The following CSMD1 variants were observed in gnomAD, a reference collection of about 807,000 sequenced individuals.
CSMD1 encodes the protein CUB and Sushi multiple domains 1.
In CSMD1, 213 loss-of-function variants were observed where a neutral mutation model predicts 417.5. The observed-to-expected ratio is 0.51, with a 90% CI of 0.46 to 0.57. The LOEUF (loss-of-function observed/expected upper bound fraction) is 0.57. Ranked by LOEUF, CSMD1 falls within the 20% of genes least tolerant of loss-of-function variation. CSMD1 has a pLI of 0.00. For synonymous variants in CSMD1, 2,862 were observed against 1,736.8 expected (o/e 1.65, Z -16.11); for missense variants, 6,923 against 4,529.7 (o/e 1.53, Z -15.17).
chr8:4,730,526 G>A (rs566900730), intron 1 of CSMD1, among the ~76,000 whole-genome samples: 1 of 152,044 alleles, frequency 6.6e-6, no homozygotes, highest in South Asian at 2.1e-4. Flanking sequence ...GGATCACGAG[G>A]TCAGGAGATG....
In CSMD1 at chr8:3,018,979, G is replaced by A. The variant is rs139020834; in HGVS notation, c.7856-329C>T. 4.6e-3 allele frequency among the ~76,000 whole-genome samples: 704 copies of A among 152,202 alleles called. 7 individuals are homozygous for A. Among genetic ancestry groups the A allele is most frequent in the African/African-American group, 0.016 (660 of 41,516 alleles). On this transcript the variant is annotated intron_variant, in intron 51 of 69. Transcript: ENST00000635120. Reference sequence around the variant, plus strand: ...GTTGACCAGGTTGGAGTGCAGTGGCGCTATCCTGGCTCACTGCTACCTCTA... The same window carrying A: ...GTTGACCAGGTTGGAGTGCAGTGGCACTATCCTGGCTCACTGCTACCTCTA...
chr8:3,678,854 C>T (rs948715318), intron 7 of CSMD1, among the ~76,000 whole-genome samples: 3 of 152,166 alleles, frequency 2.0e-5, no homozygotes, highest in African/African-American at 7.2e-5. Flanking sequence ...AGAAAGTCTA[C>T]AAGCCAGAAA....
intron 18 of CSMD1, among the ~76,000 whole-genome samples, chr8:3,386,830 C>T (rs1297405116): frequency 2.0e-5 from 3 of 152,116 alleles, no homozygotes; most frequent in Admixed American, 6.5e-5. Flanking sequence ...GGGCAAAATA[C>T]CCCAAGTTTT....
chr8:4,724,092 A>G (rs1809253592), intron 1 of CSMD1, among the ~76,000 whole-genome samples: 1 of 152,166 alleles, frequency 6.6e-6, no homozygotes, highest in African/African-American at 2.4e-5. Flanking sequence ...CACTTAAGTG[A>G]GCCATTGCAA....
At chr8:2,979,425 G>C (rs954277999) in intron 54 of CSMD1, among the ~76,000 whole-genome samples, 2 of 152,230 alleles carry the variant, frequency 1.3e-5, no homozygotes, top group African/African-American at 4.8e-5. Context: ...TCCTCTGAAA[G>C]GCATTAGCCT....
In CSMD1 at chr8:4,429,619, C is replaced by T. The variant is rs896283830; in HGVS notation, c.303-9554G>A. On this transcript the variant is annotated intron_variant, in intron 2 of 69. Transcript: ENST00000635120. ...GAAAGTCAAAGTTTAGAGACTATTCCAGAGAGAGAAACGAATGCACAGAGG... is the reference window on the plus strand; with the variant it reads ...GAAAGTCAAAGTTTAGAGACTATTCTAGAGAGAGAAACGAATGCACAGAGG... 4.5e-4 allele frequency among the ~76,000 whole-genome samples: 69 copies of T among 152,018 alleles called. 3 individuals are homozygous for T. Among genetic ancestry groups the T allele is most frequent in the Non-Finnish European group, 1.5e-5 (1 of 68,012 alleles).
At chr8:3,848,569 G>A (rs971724180) in intron 5 of CSMD1, among the ~76,000 whole-genome samples, 1 of 152,110 alleles carries the variant, frequency 6.6e-6, no homozygotes, top group Non-Finnish European at 1.5e-5. Flanking sequence ...CCTTTGTGCT[G>A]CTCCTTGTAA....
At chr8:4,420,523 CTATTTT>C (rs1476512056) in intron 2 of CSMD1, among the ~76,000 whole-genome samples, 7 of 152,200 alleles carry the variant, frequency 4.6e-5, no homozygotes, top group African/African-American at 1.7e-4. Context: ...TCCTAATTCA[CTATTTT>C]TAATTTTTTT....
chr8:4,545,628 T>C (rs1466474171), intron 2 of CSMD1, among the ~76,000 whole-genome samples: 1 of 152,190 alleles, frequency 6.6e-6, no homozygotes, highest in African/African-American at 2.4e-5. Context: ...GGTTGGCTGG[T>C]TCGTGGCTAG....
intron 4 of CSMD1, among the ~76,000 whole-genome samples, chr8:4,017,017 G>C (rs543968143): frequency 2.7e-4 from 41 of 152,162 alleles, no homozygotes; most frequent in African/African-American, 9.4e-4. Context: ...AAGACTTTCA[G>C]AAGGAAGAGC....
chr8:3,554,004 G>T (rs1799031529), intron 10 of CSMD1, among the ~76,000 whole-genome samples: 1 of 152,084 alleles, frequency 6.6e-6, no homozygotes, highest in Non-Finnish European at 1.5e-5. Flanking sequence ...CTCTAGGACT[G>T]ATTTTATTTT....
chr8:3,152,933 G>C (rs1341934261), intron 39 of CSMD1, among the ~76,000 whole-genome samples: 2 of 152,162 alleles, frequency 1.3e-5, no homozygotes, highest in Non-Finnish European at 2.9e-5. Flanking sequence ...AGTGACAGTA[G>C]ATGTGTATAT....
At chr8:4,935,320 G>A (rs1807538284) in intron 1 of CSMD1, among the ~76,000 whole-genome samples, 1 of 152,154 alleles carries the variant, frequency 6.6e-6, no homozygotes, top group South Asian at 2.1e-4. Context: ...GTCTCATTAG[G>A]AAATGCCCCT....
intron 1 of CSMD1, among the ~76,000 whole-genome samples, chr8:4,725,874 T>C (rs1809400927): frequency 6.6e-6 from 1 of 152,138 alleles, no homozygotes; most frequent in South Asian, 2.1e-4. Flanking sequence ...CGACATCTTG[T>C]AGACCCTGGT....
chr8:3,344,211 G>C (rs947483648), intron 22 of CSMD1, among the ~76,000 whole-genome samples: 1 of 152,196 alleles, frequency 6.6e-6, no homozygotes, highest in Non-Finnish European at 1.5e-5. Flanking sequence ...GGAGCAGTGG[G>C]TCTGTGTCAC....
At chr8:4,427,021 G>T (rs1210955005) in intron 2 of CSMD1, among the ~76,000 whole-genome samples, 1 of 152,088 alleles carries the variant, frequency 6.6e-6, no homozygotes, top group Non-Finnish European at 1.5e-5. Context: ...CAGTGATCAT[G>T]TCCCCACGAG....
At chr8:3,387,358 T>C (rs1811068530) in intron 18 of CSMD1, 136 bp downstream of exon 18, 1 of 636,130 alleles carries the variant, frequency 1.6e-6, no homozygotes. Flanking sequence ...ACGATGATGG[T>C]ATACAACTTC....
At chr8:4,091,909 T>A (rs1225591409) in intron 3 of CSMD1, among the ~76,000 whole-genome samples, 1 of 152,160 alleles carries the variant, frequency 6.6e-6, no homozygotes, top group Non-Finnish European at 1.5e-5. Context: ...TTTTAAATAG[T>A]CAGTGCTCCC....
intron 1 of CSMD1, among the ~76,000 whole-genome samples, chr8:4,666,923 G>T (rs973346075): frequency 2.0e-5 from 3 of 151,818 alleles, no homozygotes; most frequent in Admixed American, 6.6e-5. Flanking sequence ...TAAAAAAAAA[G>T]TTCTTTGCCT....
Sources: gnomAD v4.1 joint callset for allele counts (sites outside exome capture counted in the v4.1 genomes callset) on GRCh38, gnomAD v4.1.1 for gene constraint, MANE v1.5 for transcripts, NCBI Gene and HGNC (gene_info 2026-07-23, HGNC 2026-07-21) for gene names.